The following JAM2 variants were observed in gnomAD, a reference collection of about 807,000 sequenced individuals.
JAM2 encodes junctional adhesion molecule B.
A neutral mutation model predicts 42.0 loss-of-function variants in JAM2; 17 were observed. The observed-to-expected ratio is 0.40, with a 90% CI of 0.28 to 0.61. JAM2 has a LOEUF of 0.61. Ranked by LOEUF, JAM2 falls within the 20% of genes least tolerant of loss-of-function variation. The pLI is 0.37. For synonymous variants in JAM2, 118 were observed against 128.6 expected (o/e 0.92, Z 0.56); for missense variants, 319 against 358.3 (o/e 0.89, Z 0.89).
intron 1 of JAM2, among the ~76,000 whole-genome samples, chr21:25,646,615 T>C (rs2032621737): frequency 6.6e-6 from 1 of 150,726 alleles, no homozygotes; most frequent in Non-Finnish European, 1.5e-5. Flanking sequence ...AGAGGGAGGA[T>C]GGATGGATGT....
chr21:25,682,130 C>G (rs1477418055), intron 1 of JAM2, among the ~76,000 whole-genome samples: 1 of 152,212 alleles, frequency 6.6e-6, no homozygotes, highest in Non-Finnish European at 1.5e-5. Context: ...TTGCTTTATG[C>G]CAGGCACTGT....
At chr21:25,696,892 G>A (rs1196789957) in intron 4 of JAM2, among the ~76,000 whole-genome samples, 3 of 151,972 alleles carry the variant, frequency 2.0e-5, no homozygotes, top group Non-Finnish European at 2.9e-5. Flanking sequence ...GTTGTTTTGA[G>A]ACAAAATTTT....
Position 25,639,847 on chromosome 21 carries a change from T to G in JAM2, c.26T>G (p.Leu9Arg). Residue 9 changes from leucine (L) to arginine (R), a missense_variant, in exon 1 of 10, where the codon CTC becomes CGC. Physicochemically the swap from Leu to Arg is moderately radical, Grantham distance 102 (BLOSUM62 -2). Transcript: ENST00000480456. Reference protein sequence around the residue: MARRSRHRLLLLLLRYLVV... With the variant: MARRSRHRRLLLLLRYLVV... ...ATGGCGAGGAGGAGCCGCCACCGCC[T>G]CCTCCTGCTGCTGCTGCGCTACCTG... The G allele has an allele frequency of 1.9e-6, 3 of 1,592,910 alleles. No homozygotes were observed. Among genetic ancestry groups the G allele is most frequent in the Non-Finnish European group, 2.6e-6 (3 of 1,171,700 alleles).
At chr21:25,672,062 A>T (rs1173006989) in intron 1 of JAM2, among the ~76,000 whole-genome samples, 1 of 152,156 alleles carries the variant, frequency 6.6e-6, no homozygotes. Flanking sequence ...AGTAGATGGT[A>T]GTGATGTATC....
chr21:25,701,099 T>C (rs2034155550), intron 5 of JAM2, among the ~76,000 whole-genome samples: 2 of 152,224 alleles, frequency 1.3e-5, no homozygotes, highest in Admixed American at 1.3e-4. Context: ...CTCCAGTGTA[T>C]GGAAGCCAAT....
intron 1 of JAM2, among the ~76,000 whole-genome samples, chr21:25,660,417 C>T (rs1040418916): frequency 2.0e-5 from 3 of 152,060 alleles, no homozygotes; most frequent in African/African-American, 7.2e-5. Flanking sequence ...GAATTATCAA[C>T]AGGAAGGGGA....
chr21:25,675,976 C>T (rs548347536), intron 1 of JAM2, among the ~76,000 whole-genome samples: 21 of 152,126 alleles, frequency 1.4e-4, no homozygotes, highest in African/African-American at 5.1e-4. Flanking sequence ...TAATGTGATA[C>T]TATACATTTA....
chr21:25,711,276 G>A, intron 8 of JAM2: 1 of 314,724 alleles, frequency 3.2e-6, no homozygotes, highest in South Asian at 2.6e-5. Context: ...TGGAATTGTA[G>A]GAGTCATTGG....
intron 4 of JAM2, among the ~76,000 whole-genome samples, chr21:25,697,585 G>A (rs1285838952): frequency 2.6e-5 from 4 of 152,106 alleles, no homozygotes; most frequent in African/African-American, 9.7e-5. Context: ...GGGATTTATA[G>A]TTGAGTACTG....
intron 7 of JAM2, 25 bp downstream of exon 7, chr21:25,706,111 G>A: frequency 7.1e-7 from 1 of 1,408,028 alleles, no homozygotes; most frequent in South Asian, 1.1e-5. Flanking sequence ...CCCTTCTTTG[G>A]CAGATAACTT....
intron 4 of JAM2, among the ~76,000 whole-genome samples, chr21:25,697,701 A>G (rs1156900016): frequency 1.3e-5 from 2 of 152,072 alleles, no homozygotes; most frequent in Non-Finnish European, 2.9e-5. Flanking sequence ...TAGGAGTTCA[A>G]GACTAGCCTG....
intron 1 of JAM2, among the ~76,000 whole-genome samples, chr21:25,646,972 G>A (rs763425735): frequency 1.4e-4 from 22 of 152,272 alleles, no homozygotes; most frequent in Non-Finnish European, 2.6e-4. Flanking sequence ...GATAATTTAG[G>A]ACGGGCTTGT....
intron 5 of JAM2, 119 bp from the exon 6 acceptor site, chr21:25,702,051 T>C (rs1322728100): frequency 6.1e-6 from 3 of 488,548 alleles, no homozygotes; most frequent in African/African-American, 3.8e-5. Context: ...AGACAGAAAG[T>C]CCCAAATTTT....
At chr21:25,678,734 T>C (rs2033558214) in intron 1 of JAM2, among the ~76,000 whole-genome samples, 1 of 152,240 alleles carries the variant, frequency 6.6e-6, no homozygotes, top group Non-Finnish European at 1.5e-5. Flanking sequence ...TTTAGAGCTA[T>C]TGAACCTGCA....
intron 3 of JAM2, chr21:25,692,275 A>T (rs180996668): frequency 6.4e-6 from 1 of 157,354 alleles, no homozygotes; most frequent in East Asian, 1.9e-4. Context: ...TCTTTGCTAG[A>T]TGTTGTGGTT....
intron 1 of JAM2, among the ~76,000 whole-genome samples, chr21:25,664,535 A>G (rs77450184): frequency 1.2e-3 from 188 of 152,308 alleles, no homozygotes; most frequent in Non-Finnish European, 1.3e-3. Context: ...CGCCCAGCCC[A>G]TGGCTTGCTT....
At chr21:25,706,107 T>C (rs1158134880) in intron 7 of JAM2, 21 bp downstream of exon 7, 1 of 1,439,326 alleles carries the variant, frequency 6.9e-7, no homozygotes, top group Admixed American at 1.7e-5. Context: ...TTCACCCTTC[T>C]TTGGCAGATA....
rs919210499 is a variant in JAM2, at chr21:25,639,521, C to T, written c.-301C>T. The T allele has an allele frequency of 2.2e-5, 7 of 320,418 alleles. No homozygotes were observed. Among genetic ancestry groups the T allele is most frequent in the Admixed American group, 5.0e-5 (1 of 20,014 alleles). The allele number at this position is 320,418 out of a possible 1,614,324, so 19.8% of individuals were successfully genotyped here. On this transcript the variant is annotated 5_prime_UTR_variant, in exon 1 of 10. Coordinates refer to ENST00000480456, the MANE Select transcript of JAM2 (RefSeq NM_021219.4). ...GGGCGCTGCTCTCCTCCTGCTGCCC[C>T]CTCGCTAGGACCCGGCGGACGCCTC...
chr21:25,660,016 C>A (rs1049138378), intron 1 of JAM2, among the ~76,000 whole-genome samples: 8 of 152,164 alleles, frequency 5.3e-5, no homozygotes, highest in African/African-American at 1.9e-4. Context: ...GTCCTGGGTT[C>A]AAGCAACTCT....
Sources: allele counts gnomAD v4.1 joint callset (sites outside exome capture counted in the v4.1 genomes callset), GRCh38; gene constraint gnomAD v4.1.1; transcripts MANE v1.5; gene names NCBI Gene and HGNC (gene_info 2026-07-23, HGNC 2026-07-21).